The following ADCY10 variants were observed in gnomAD, a reference collection of about 807,000 sequenced individuals.
ADCY10 encodes adenylate cyclase 10.
Under a neutral mutation model 183.3 loss-of-function variants are expected in ADCY10, and 156 were observed. The observed-to-expected ratio is 0.85, with a 90% CI of 0.75 to 0.97. The LOEUF is 0.97. Ranked by LOEUF, ADCY10 falls within the 50% of genes least tolerant of loss-of-function variation. The probability of loss-of-function intolerance (pLI) is 0.00; values close to 1 mark genes in which losing one functional copy is unlikely to be tolerated. For synonymous variants in ADCY10, 645 were observed against 670.0 expected, an observed-to-expected ratio of 0.96 and a Z score of 0.58; for missense variants, 1,745 against 1,934.3, an observed-to-expected ratio of 0.90 and a Z score of 1.84.
At chr1:167,823,399 T>A (rs902355005) in intron 28 of ADCY10, among the ~76,000 whole-genome samples, 1 of 109,444 alleles carries the variant, frequency 9.1e-6, no homozygotes, top group Non-Finnish European at 1.7e-5. Flanking sequence ...CACTCCAGCC[T>A]GGGCAAAAGA....
chr1:167,882,670 C>A lies in ADCY10; in HGVS notation c.1020+767G>T, dbSNP rs16859873. Among the ~76,000 whole-genome samples, 1,060 of 152,116 alleles carry A rather than the reference C, an allele frequency of 7.0e-3. 13 individuals are homozygous for A. The highest frequency in any genetic ancestry group is 0.024 in the African/African-American group (1,014 of 41,460). ...CCTGACCTGAAACCCCTGGGTAATACATCATGCACTGAGCTGGAGACTTAT... is the reference window on the plus strand; with the variant it reads ...CCTGACCTGAAACCCCTGGGTAATAAATCATGCACTGAGCTGGAGACTTAT... On this transcript the variant is annotated intron_variant, in intron 9 of 32. Transcript: ENST00000367851.
chr1:167,838,079 G>A (rs1664356651), intron 21 of ADCY10, among the ~76,000 whole-genome samples: 1 of 152,196 alleles, frequency 6.6e-6, no homozygotes, highest in African/African-American at 2.4e-5. Flanking sequence ...TAGAACTTAG[G>A]TTTTCTGGCT....
At chr1:167,819,999 T>A (rs1321621340) in intron 30 of ADCY10, 2 of 1,535,418 alleles carry the variant, frequency 1.3e-6, no homozygotes, top group African/African-American at 2.7e-5. Flanking sequence ...TGGATGACTC[T>A]CCTTGGGACT....
intron 26 of ADCY10, 124 bp from the exon 27 acceptor site, chr1:167,824,979 G>T: frequency 1.1e-6 from 1 of 944,746 alleles, no homozygotes; most frequent in Non-Finnish European, 1.7e-6. Flanking sequence ...ACATTTGGCC[G>T]AAGCCATGGG....
chr1:167,887,398 A>G (rs1668300938), intron 8 of ADCY10, among the ~76,000 whole-genome samples: 1 of 152,232 alleles, frequency 6.6e-6, no homozygotes, highest in African/African-American at 2.4e-5. Flanking sequence ...CTTTGTAGGG[A>G]CATGGATGAA....
intron 29 of ADCY10, among the ~76,000 whole-genome samples, chr1:167,822,469 T>G (rs934182396): frequency 6.6e-6 from 1 of 152,220 alleles, no homozygotes; most frequent in Non-Finnish European, 1.5e-5. Flanking sequence ...GATGGCAATG[T>G]CTGCATCCCC....
At chr1:167,859,238 T>C (rs1558196664) in intron 16 of ADCY10, among the ~76,000 whole-genome samples, 1 of 152,194 alleles carries the variant, frequency 6.6e-6, no homozygotes, top group Non-Finnish European at 1.5e-5. Flanking sequence ...GAAATATAAA[T>C]TTGGTGATCA....
rs1663135845 is a variant in ADCY10 at position 167,824,550 on chromosome 1, C to T, written c.3978G>A (p.Trp1326Ter). The change falls in exon 28 of 33, where the codon TGG becomes TGA. Residue 1326 changes from tryptophan (W) to a stop codon, truncating the protein, a stop_gained. Transcript: ENST00000367851. LOFTEE classifies it high-confidence loss of function. ...IELGSRALQM[W>*]ALLQNPNRHY... ...GTCGGTTGGGATTCTGGAGCAGTGC[C>T]CACATCTGAAGGGCTCGGGAGCCTG... 3 of 1,614,148 alleles carry T rather than the reference C, an allele frequency of 1.9e-6. No homozygotes were observed. Among genetic ancestry groups the T allele is most frequent in the Non-Finnish European group, 2.5e-6 (3 of 1,180,024 alleles).
intron 1 of ADCY10, among the ~76,000 whole-genome samples, chr1:167,909,103 T>C (rs1250184649): frequency 6.6e-6 from 1 of 152,120 alleles, no homozygotes; most frequent in East Asian, 1.9e-4. Flanking sequence ...ACCTTTCTTA[T>C]TTCTAACAAC....
chr1:167,904,568 T>G (rs1293679292), intron 2 of ADCY10: 4 of 392,930 alleles, frequency 1.0e-5, no homozygotes, highest in Non-Finnish European at 1.8e-5. Context: ...GAATAAAATT[T>G]TCATTCCGTG....
intron 13 of ADCY10, among the ~76,000 whole-genome samples, chr1:167,871,105 C>T (rs1667076906): frequency 6.6e-6 from 1 of 151,772 alleles, no homozygotes; most frequent in African/African-American, 2.4e-5. Flanking sequence ...TTATTCAACA[C>T]ACTAGAAGTA....
chr1:167,859,147 G>C (rs550231579), intron 16 of ADCY10, among the ~76,000 whole-genome samples: 64 of 152,314 alleles, frequency 4.2e-4, no homozygotes, highest in African/African-American at 1.3e-3. Flanking sequence ...ACTCAACTCA[G>C]CGTGAGTCAC....
intron 1 of ADCY10, among the ~76,000 whole-genome samples, chr1:167,905,738 A>ATG (rs112291022): frequency 0.052 from 7,738 of 148,798 alleles, 521 homozygotes; most frequent in African/African-American, 0.15. Flanking sequence ...GAGTTCAGAA[A>ATG]TGTGTGTGTG....
intron 12 of ADCY10, among the ~76,000 whole-genome samples, 198 bp from the exon 13 acceptor site, chr1:167,875,384 A>G (rs764751652): frequency 1.2e-4 from 18 of 152,056 alleles, no homozygotes; most frequent in Non-Finnish European, 2.1e-4. Flanking sequence ...CAAAGAACTC[A>G]GGTAGCATCT....
chr1:167,880,312 G>T (rs576979577), intron 10 of ADCY10, 121 bp from the exon 11 acceptor site: 71 of 1,041,330 alleles, frequency 6.8e-5, no homozygotes, highest in Admixed American at 5.1e-4. Context: ...TTCTCTACCC[G>T]TTGGAATTAG....
In ADCY10 at chr1:167,880,089, G is replaced by A. The variant is rs203848; in HGVS notation, c.1216+26C>T. 153,230 of 1,598,324 alleles carry A rather than the reference G, an allele frequency of 0.096. 12,548 individuals are homozygous for A. The highest frequency in any genetic ancestry group is 0.44 in the African/African-American group (32,687 of 74,642). ...AAGGTGCTGTGTTTGCAGAAAGAAA[G>A]CTGGAGATGAGCTGACCCAGCACAC... On this transcript the variant is annotated intron_variant, in intron 11 of 32. Coordinates refer to ENST00000367851, the MANE Select transcript of ADCY10 (RefSeq NM_018417.6).
intron 26 of ADCY10, among the ~76,000 whole-genome samples, chr1:167,825,114 T>C (rs966415365): frequency 1.3e-5 from 2 of 152,064 alleles, no homozygotes; most frequent in Non-Finnish European, 2.9e-5. Flanking sequence ...CTGTGAAAAA[T>C]AAAAGCAATA....
At chr1:167,825,225 T>G (rs1663193140) in intron 26 of ADCY10, among the ~76,000 whole-genome samples, 1 of 152,078 alleles carries the variant, frequency 6.6e-6, no homozygotes, top group Non-Finnish European at 1.5e-5. Flanking sequence ...GGAGGAGAGA[T>G]TTTACTTTAT....
intron 3 of ADCY10, 31 bp downstream of exon 3, chr1:167,903,856 T>G (rs1200771278): frequency 6.6e-7 from 1 of 1,505,668 alleles, no homozygotes; most frequent in Non-Finnish European, 9.3e-7. Flanking sequence ...ATTGAAATAT[T>G]CTCAAGCCAG....
Sources: allele counts gnomAD v4.1 joint callset (sites outside exome capture counted in the v4.1 genomes callset), GRCh38; gene constraint gnomAD v4.1.1; transcripts MANE v1.5; gene names NCBI Gene and HGNC (gene_info 2026-07-23, HGNC 2026-07-21).